The following ASIC2 variants were observed in gnomAD, a reference collection of about 807,000 sequenced individuals.
ASIC2 encodes acid sensing ion channel subunit 2, also known as acid-sensing ion channel 2.
A neutral mutation model predicts 57.3 loss-of-function variants in ASIC2; 25 were observed. That is an observed-to-expected ratio of 0.44 (90% CI 0.32 to 0.61). The LOEUF is 0.61. Among genes scored for constraint, ASIC2 ranks in the 20% least tolerant of loss-of-function variants. The pLI, the probability that ASIC2 is intolerant of heterozygous loss-of-function variation, is 0.06. For synonymous variants in ASIC2, 319 were observed against 307.5 expected (o/e 1.04, Z -0.39); for missense variants, 641 against 738.1 (o/e 0.87, Z 1.52).
chr17:33,587,648 A>G (rs1904682130), intron 1 of ASIC2, among the ~76,000 whole-genome samples: 1 of 152,144 alleles, frequency 6.6e-6, no homozygotes, highest in Admixed American at 6.5e-5. Context: ...TCATGCCTTG[A>G]GGTTGGGCAT....
At chr17:33,598,115 A>C (rs1905033647) in intron 1 of ASIC2, among the ~76,000 whole-genome samples, 1 of 152,238 alleles carries the variant, frequency 6.6e-6, no homozygotes, top group South Asian at 2.1e-4. Flanking sequence ...TTTCATTTCA[A>C]TAGACACCTT....
At chr17:34,140,089 A>G (rs1022622917) in intron 1 of ASIC2, among the ~76,000 whole-genome samples, 3 of 152,032 alleles carry the variant, frequency 2.0e-5, no homozygotes, top group African/African-American at 7.3e-5. Flanking sequence ...ACAATTGGGG[A>G]AATTTGAATA....
intron 1 of ASIC2, among the ~76,000 whole-genome samples, chr17:33,726,028 C>T (rs1485992828): frequency 1.3e-5 from 2 of 152,202 alleles, no homozygotes; most frequent in African/African-American, 4.8e-5. Flanking sequence ...CTCCACTGAG[C>T]TGCATCTCTC....
At chr17:33,538,496 T>G (rs1415548637) in intron 1 of ASIC2, among the ~76,000 whole-genome samples, 1 of 152,102 alleles carries the variant, frequency 6.6e-6, no homozygotes, top group East Asian at 1.9e-4. Flanking sequence ...CAAGAAGGAC[T>G]GAGAGGGATG....
chr17:33,482,422 C>A lies in ASIC2; in HGVS notation c.556-370355G>T, dbSNP rs140626641. ...TAACTCAACCCTAAGTGTTTCAGATCTTCTGCTAACCAGGCCTAATCTTAG... is the reference window on the plus strand; with the variant it reads ...TAACTCAACCCTAAGTGTTTCAGATATTCTGCTAACCAGGCCTAATCTTAG... On this transcript the variant is annotated intron_variant, in intron 1 of 9. Coordinates refer to the ASIC2 transcript ENST00000359872. Among the ~76,000 whole-genome samples the A allele has an allele frequency of 1.2e-4, 18 of 152,368 alleles. No individual in the cohort carries two copies. In the East Asian group the frequency reaches 3.5e-3, roughly 29 times the overall value.
At chr17:33,610,062 A>G (rs958314533) in intron 1 of ASIC2, among the ~76,000 whole-genome samples, 12 of 151,500 alleles carry the variant, frequency 7.9e-5, no homozygotes, top group African/African-American at 2.2e-4. Context: ...GCGCACACAC[A>G]CACACACACA....
intron 1 of ASIC2, among the ~76,000 whole-genome samples, chr17:33,516,718 C>T (rs1261719337): frequency 1.3e-5 from 2 of 152,162 alleles, no homozygotes; most frequent in Non-Finnish European, 2.9e-5. Context: ...TATTTTGTCT[C>T]CTTGGAGGTG....
chr17:33,928,410 C>G (rs1198966014), intron 1 of ASIC2, among the ~76,000 whole-genome samples: 1 of 152,186 alleles, frequency 6.6e-6, no homozygotes, highest in Non-Finnish European at 1.5e-5. Flanking sequence ...GGTTCCCACC[C>G]TTTGTGGAGA....
intron 3 of ASIC2, among the ~76,000 whole-genome samples, chr17:33,077,401 G>A (rs1204845098): frequency 1.3e-5 from 2 of 152,176 alleles, no homozygotes; most frequent in Non-Finnish European, 1.5e-5. Context: ...TGTTAGGCTT[G>A]TGCTAGCTGC....
intron 1 of ASIC2, among the ~76,000 whole-genome samples, chr17:33,587,246 T>C (rs936423216): frequency 6.6e-6 from 1 of 152,136 alleles, no homozygotes; most frequent in Middle Eastern, 3.2e-3. Context: ...TTACAGAAAA[T>C]GTTTGTTGAC....
intron 1 of ASIC2, among the ~76,000 whole-genome samples, chr17:33,396,189 T>A (rs1910070518): frequency 6.6e-6 from 1 of 152,168 alleles, no homozygotes; most frequent in African/African-American, 2.4e-5. Context: ...AGAGGGGCAG[T>A]GCCTTGGCCA....
intron 1 of ASIC2, among the ~76,000 whole-genome samples, chr17:33,143,760 A>C (rs1424068855): frequency 2.0e-5 from 3 of 152,248 alleles, no homozygotes; most frequent in African/African-American, 7.2e-5. Context: ...CCATAAAACA[A>C]AAAATCCAAC....
chr17:33,726,125 T>C (rs146305651), intron 1 of ASIC2, among the ~76,000 whole-genome samples: 64 of 152,316 alleles, frequency 4.2e-4, no homozygotes, highest in African/African-American at 1.5e-3. Context: ...CATTTGAATT[T>C]TGTGCTCTTT....
At position 33,648,049 on chromosome 17, in the gene ASIC2, C is replaced by T. The variant is rs114200195; in HGVS notation, c.555+507929G>A. On this transcript the variant is annotated intron_variant, in intron 1 of 9. Coordinates refer to the ASIC2 transcript ENST00000359872. ...TGTGAGGACGGTCCCCATCATGAAT[C>T]ACAAGATGTATTTCTTAACTGTCTT... 5.3e-3 allele frequency among the ~76,000 whole-genome samples: 807 copies of T among 152,324 alleles called. 2 individuals carry two copies. Among genetic ancestry groups the T allele is most frequent in the African/African-American group, 0.018 (766 of 41,566 alleles).
intron 1 of ASIC2, among the ~76,000 whole-genome samples, chr17:33,500,231 G>A (rs941735711): frequency 1.3e-5 from 2 of 152,098 alleles, no homozygotes; most frequent in African/African-American, 2.4e-5. Context: ...AATGGGGTGA[G>A]GGGCAGGGGG....
At chr17:33,656,185 A>G (rs1907070194) in intron 1 of ASIC2, among the ~76,000 whole-genome samples, 1 of 152,180 alleles carries the variant, frequency 6.6e-6, no homozygotes, top group African/African-American at 2.4e-5. Flanking sequence ...CAAAAAAACA[A>G]ACAAACCAGA....
chr17:33,108,078 A>G (rs764275143), intron 2 of ASIC2, among the ~76,000 whole-genome samples: 2 of 152,180 alleles, frequency 1.3e-5, no homozygotes, highest in Non-Finnish European at 2.9e-5. Flanking sequence ...TGAGCCCTTC[A>G]GCCCTCCTGT....
intron 1 of ASIC2, among the ~76,000 whole-genome samples, chr17:34,015,628 C>A (rs188581224): frequency 6.6e-6 from 1 of 152,230 alleles, no homozygotes; most frequent in African/African-American, 2.4e-5. Context: ...TTTCAAAAAT[C>A]TCATGTTCTG....
chr17:33,608,750 A>G (rs1567667952), intron 1 of ASIC2, among the ~76,000 whole-genome samples: 1 of 152,178 alleles, frequency 6.6e-6, no homozygotes, highest in South Asian at 2.1e-4. Flanking sequence ...TTAAATGGGT[A>G]TATAATAGGA....
Sources: allele counts gnomAD v4.1 joint callset (sites outside exome capture counted in the v4.1 genomes callset), GRCh38; gene constraint gnomAD v4.1.1; transcripts MANE v1.5; gene names NCBI Gene and HGNC (gene_info 2026-07-23, HGNC 2026-07-21).